The following UNC5A variants were observed in gnomAD, a reference collection of about 807,000 sequenced individuals.
UNC5A encodes netrin receptor UNC5A.
UNC5A carries 20 observed loss-of-function variants against 87.4 expected under a neutral mutation model. The ratio of observed to expected loss-of-function variants is 0.23; its 90% CI spans 0.16 to 0.33. The LOEUF is 0.33. Ranked by LOEUF, UNC5A falls within the 10% of genes least tolerant of loss-of-function variation. UNC5A has a pLI of 1.00. For synonymous variants in UNC5A, 438 were observed against 482.3 expected, an observed-to-expected ratio of 0.91 and a Z score of 1.20; for missense variants, 844 against 1,133.4, an observed-to-expected ratio of 0.74 and a Z score of 3.67.
intron 1 of UNC5A, among the ~76,000 whole-genome samples, chr5:176,832,185 C>G (rs1757048431): frequency 6.6e-6 from 1 of 152,180 alleles, no homozygotes; most frequent in Non-Finnish European, 1.5e-5. Flanking sequence ...GCGTGCGCCA[C>G]CATGCCTGGC....
At chr5:176,858,782 A>AGCAG (rs60460581) in intron 1 of UNC5A, among the ~76,000 whole-genome samples, 6,584 of 131,746 alleles carry the variant, frequency 0.05, 603 homozygotes, top group African/African-American at 0.11. Flanking sequence ...AAGGCAAGCA[A>AGCAG]GCAGGCAGGG....
At chr5:176,849,446 G>C (rs1474273233) in intron 1 of UNC5A, among the ~76,000 whole-genome samples, 1 of 152,190 alleles carries the variant, frequency 6.6e-6, no homozygotes, top group Non-Finnish European at 1.5e-5. Flanking sequence ...TTACCTGGGT[G>C]TTGTGGCATG....
At chr5:176,851,151 C>T (rs2113635747) in intron 1 of UNC5A, among the ~76,000 whole-genome samples, 1 of 152,372 alleles carries the variant, frequency 6.6e-6, no homozygotes, top group Admixed American at 6.5e-5. Flanking sequence ...GGCAGGAACC[C>T]ATCGCTCTCG....
chr5:176,818,342 C>T (rs1287692970), intron 1 of UNC5A, among the ~76,000 whole-genome samples: 1 of 152,226 alleles, frequency 6.6e-6, no homozygotes, highest in East Asian at 1.9e-4. Context: ...CGGCTGTCCT[C>T]TGCAGGCTGG....
rs959581305 is a variant in UNC5A at position 176,838,905 on chromosome 5, G to T, written c.71-23719G>T. ...CAATCAGGGTCCATCCCTGAAGCTG[G>T]TAGGGGTCATTTCCACTCAAACCAC... is the stretch of plus-strand genomic sequence containing the variant. On this transcript the variant is annotated intron_variant, in intron 1 of 14. Transcript: ENST00000329542. The surrounding 1 kb of genome is among the most constrained non-coding windows in gnomAD (Gnocchi z 4.2). 6.6e-6 allele frequency among the ~76,000 whole-genome samples: 1 copy of T among 152,240 alleles called. No homozygotes were observed. Among genetic ancestry groups the T allele is most frequent in the African/African-American group, 2.4e-5 (1 of 41,460 alleles).
intron 1 of UNC5A, among the ~76,000 whole-genome samples, chr5:176,829,057 G>A (rs1186650842): frequency 6.6e-6 from 1 of 151,626 alleles, no homozygotes; most frequent in Non-Finnish European, 1.5e-5. Flanking sequence ...AACTGAACCT[G>A]GGAGGCTGAC....
chr5:176,826,503 T>TA (rs1221338667), intron 1 of UNC5A, among the ~76,000 whole-genome samples: 1 of 152,272 alleles, frequency 6.6e-6, no homozygotes, highest in African/African-American at 2.4e-5. Context: ...TCCATTTTTT[T>TA]AATTCTTCTT....
At position 176,841,460 on chromosome 5, in the gene UNC5A, A is replaced by C. The variant is rs1230914271; in HGVS notation, c.71-21164A>C. On this transcript the variant is annotated intron_variant, in intron 1 of 14. Coordinates refer to ENST00000329542, the MANE Select transcript of UNC5A (RefSeq NM_133369.3). The surrounding 1 kb of genome is among the most constrained non-coding windows in gnomAD (Gnocchi z 4.1). ...TGGAACCGGGCTGCCTGGCTGTCCC[A>C]TGTGCAGCAGTGTGGCTGTGGACAT... 1.3e-5 allele frequency among the ~76,000 whole-genome samples: 2 copies of C among 152,226 alleles called. No individual in the cohort carries two copies. The highest frequency in any genetic ancestry group is 2.9e-5 in the Non-Finnish European group (2 of 68,042).
At chr5:176,850,886 C>T (rs1757524614) in intron 1 of UNC5A, among the ~76,000 whole-genome samples, 5 of 151,052 alleles carry the variant, frequency 3.3e-5, no homozygotes, top group Admixed American at 2.6e-4. Context: ...GCTAATGGAC[C>T]GGGCTGCAGC....
chr5:176,844,021 T>C lies in UNC5A; in HGVS notation c.71-18603T>C, dbSNP rs1010953545. ...GAATTATTCTACTTGGGGCTAATTATAGGCACAGAGGAGAGGATTATTTAC... is the reference window on the plus strand; with the variant it reads ...GAATTATTCTACTTGGGGCTAATTACAGGCACAGAGGAGAGGATTATTTAC... On this transcript the variant is annotated intron_variant, in intron 1 of 14. Coordinates refer to ENST00000329542, the MANE Select transcript of UNC5A (RefSeq NM_133369.3). The surrounding 1 kb of genome is among the most constrained non-coding windows in gnomAD (Gnocchi z 4.2). Among the ~76,000 whole-genome samples the C allele has an allele frequency of 6.6e-6, 1 of 152,142 alleles. No individual in the cohort carries two copies. The highest frequency in any genetic ancestry group is 1.5e-5 in the Non-Finnish European group (1 of 68,022).
chr5:176,840,398 T>C (rs2113620219), intron 1 of UNC5A, among the ~76,000 whole-genome samples: 1 of 152,326 alleles, frequency 6.6e-6, no homozygotes, highest in Non-Finnish European at 1.5e-5. Context: ...GAGCCATTAT[T>C]CATTCCCACC....
Position 176,862,850 on chromosome 5 carries a change from GC to G in UNC5A, c.292+7del. 6.2e-7 allele frequency: 1 copy of G among 1,612,316 alleles called. No homozygotes were observed. The highest frequency in any genetic ancestry group is 8.5e-7 in the Non-Finnish European group (1 of 1,179,706). ...GCAGCACAGACGGGAGCAGTGGTGA[GC>G]CGCATGGGGCGCCAGGCAGGGCCAA... On this transcript the variant is annotated splice_donor_region_variant and intron_variant, in intron 2 of 14. Coordinates refer to ENST00000329542, the MANE Select transcript of UNC5A (RefSeq NM_133369.3).
chr5:176,853,392 T>C (rs894336027), intron 1 of UNC5A, among the ~76,000 whole-genome samples: 2 of 152,092 alleles, frequency 1.3e-5, no homozygotes, highest in Non-Finnish European at 2.9e-5. Flanking sequence ...AGTCATCCTC[T>C]GAGATGGGAG....
chr5:176,839,394 G>A (rs893034638), intron 1 of UNC5A, among the ~76,000 whole-genome samples: 2 of 152,252 alleles, frequency 1.3e-5, no homozygotes, highest in Non-Finnish European at 2.9e-5. Flanking sequence ...TGAGGAGAGT[G>A]GACATGCCTC....
In UNC5A at chr5:176,869,810, T is replaced by C; in HGVS notation, c.722-560T>C. 1 of 586,344 alleles carries C rather than the reference T, an allele frequency of 1.7e-6. No homozygotes were observed. The highest frequency in any genetic ancestry group is 3.1e-6 in the Non-Finnish European group (1 of 324,582). 36.3% of individuals were successfully genotyped at this position (586,344 alleles called of 1,614,324 possible). On this transcript the variant is annotated intron_variant, in intron 5 of 14. Coordinates refer to ENST00000329542, the MANE Select transcript of UNC5A (RefSeq NM_133369.3). This position sits in a 1 kb window ranked among gnomAD's most constrained non-coding sequence, Gnocchi z 9.1. ...CCAGCGGCCACCGCCTCCCGCATCG[T>C]TCCTCACCACGCCATCTCCGTGCCC...
chr5:176,839,179 C>T (rs1757210584), intron 1 of UNC5A, among the ~76,000 whole-genome samples: 1 of 152,260 alleles, frequency 6.6e-6, no homozygotes, highest in Non-Finnish European at 1.5e-5. Context: ...ACTCCTGTCA[C>T]TTCCATCATG....
intron 1 of UNC5A, among the ~76,000 whole-genome samples, chr5:176,855,429 G>C (rs147221142): frequency 6.6e-6 from 1 of 152,346 alleles, no homozygotes; most frequent in East Asian, 1.9e-4. Flanking sequence ...GAGGGGGAGC[G>C]TGCCCACCTC....
In UNC5A at chr5:176,865,227, C is replaced by T. The variant is rs572208194; in HGVS notation, c.292+2382C>T. ...GGGAAAGCACAGCCAGAGAGCTGCT[C>T]TCCTGCAGCCTGGAAGCTCCAGTCC... On this transcript the variant is annotated intron_variant, in intron 2 of 14. Coordinates refer to ENST00000329542, the MANE Select transcript of UNC5A (RefSeq NM_133369.3). The surrounding 1 kb of genome is among the most constrained non-coding windows in gnomAD (Gnocchi z 5.3). Among the ~76,000 whole-genome samples the T allele has an allele frequency of 6.6e-6, 1 of 152,220 alleles. No individual in the cohort carries two copies. The highest frequency in any genetic ancestry group is 2.4e-5 in the African/African-American group (1 of 41,456).
At chr5:176,835,368 G>T (rs1252635936) in intron 1 of UNC5A, among the ~76,000 whole-genome samples, 1 of 152,240 alleles carries the variant, frequency 6.6e-6, no homozygotes, top group African/African-American at 2.4e-5. Flanking sequence ...CAGTGTGTGT[G>T]TCTCCCAGGA....
Sources: allele counts gnomAD v4.1 joint callset (sites outside exome capture counted in the v4.1 genomes callset), GRCh38; gene constraint gnomAD v4.1.1; non-coding constraint Gnocchi (gnomAD v3.1); transcripts MANE v1.5; gene names NCBI Gene and HGNC (gene_info 2026-07-23, HGNC 2026-07-21).